The following HGD variants were observed in gnomAD, a reference collection of about 807,000 sequenced individuals.
HGD encodes homogentisate oxidase.
In HGD, 61 loss-of-function variants were observed where a neutral mutation model predicts 60.8. The observed-to-expected ratio is 1.00, with a 90% CI of 0.82 to 1.24. HGD has a LOEUF of 1.24. HGD is among the 50% of genes most tolerant of loss of function. The pLI is 0.00. For missense variants in HGD, 542 were observed against 547.1 expected, an observed-to-expected ratio of 0.99 and a Z score of 0.09; for synonymous variants, 212 against 187.7, an observed-to-expected ratio of 1.13 and a Z score of -1.06.
intron 9 of HGD, among the ~76,000 whole-genome samples, chr3:120,644,924 G>A (rs1018756670): frequency 2.6e-5 from 4 of 152,178 alleles, no homozygotes; most frequent in African/African-American, 7.2e-5. Flanking sequence ...GTCTGAAAAC[G>A]GTTCTCCAGC....
rs535804859 is a variant in HGD at position 120,632,787 on chromosome 3, G to T, written c.1188+360C>A. Reference sequence around the variant, plus strand: ...ACATTTGAATAGTGTTGGACAGTCTGTTAGGTTAACTCATAGCCATCTGCT... The same window carrying T: ...ACATTTGAATAGTGTTGGACAGTCTTTTAGGTTAACTCATAGCCATCTGCT... On this transcript the variant is annotated intron_variant, in intron 13 of 13. Transcript: ENST00000283871. Among the ~76,000 whole-genome samples the T allele has an allele frequency of 3.7e-4, 57 of 152,318 alleles. No homozygotes were observed. The South Asian group carries it at 0.01, about 28-fold the overall frequency.
rs777482339 is a variant in HGD at position 120,650,882 on chromosome 3, G to A, written c.343-17C>T. Reference sequence around the variant, plus strand: ...ATGCAGGCCCTGGGAGAGACCCACAGAAGAGGGAAAGGTTAATGTGAACGG... The same window carrying A: ...ATGCAGGCCCTGGGAGAGACCCACAAAAGAGGGAAAGGTTAATGTGAACGG... On this transcript the variant is annotated splice_polypyrimidine_tract_variant and intron_variant, in intron 5 of 13. Transcript: ENST00000283871. 2.5e-6 allele frequency: 4 copies of A among 1,596,510 alleles called. No individual in the cohort carries two copies. Among genetic ancestry groups the A allele is most frequent in the Non-Finnish European group, 3.4e-6 (4 of 1,164,128 alleles).
At chr3:120,671,331 T>C (rs1281301126) in intron 3 of HGD, among the ~76,000 whole-genome samples, 1 of 152,208 alleles carries the variant, frequency 6.6e-6, no homozygotes, top group Non-Finnish European at 1.5e-5. Flanking sequence ...TCATTTTATT[T>C]TGTATTTCCT....
Position 120,628,272 on chromosome 3 carries a change from G to T in HGD, c.*108C>A. 7.8e-7 allele frequency: 1 copy of T among 1,273,922 alleles called. No homozygotes were observed. The highest frequency in any genetic ancestry group is 1.1e-6 in the Non-Finnish European group (1 of 877,512). 78.9% of individuals were successfully genotyped at this position (1,273,922 alleles called of 1,614,324 possible). A position where few individuals can be genotyped will look rare whatever the true frequency, so the allele number is the denominator to read the frequency against. The stretch of plus-strand genomic sequence containing the variant: ...GTTCTGAGTTACTTGACTATGAAAA[G>T]TGAATTTTCATTTTAACCAACCCCC... On this transcript the variant is annotated 3_prime_UTR_variant, in exon 14 of 14. Coordinates refer to ENST00000283871, the MANE Select transcript of HGD (RefSeq NM_000187.4).
chr3:120,648,348 G>A (rs1941228729), intron 6 of HGD, among the ~76,000 whole-genome samples: 1 of 152,218 alleles, frequency 6.6e-6, no homozygotes, highest in Admixed American at 6.5e-5. Context: ...TGAAAGAAGT[G>A]AATGAAGGCC....
At chr3:120,661,667 C>T (rs3819375) in intron 4 of HGD, among the ~76,000 whole-genome samples, 19,884 of 152,194 alleles carry the variant, frequency 0.13, 1,348 homozygotes, top group East Asian at 0.19. Flanking sequence ...ATCTGGTTTG[C>T]AGACAGCGCC....
chr3:120,664,334 A>T (rs1707848399), intron 4 of HGD, among the ~76,000 whole-genome samples: 1 of 151,394 alleles, frequency 6.6e-6, no homozygotes. Context: ...CATATATTGG[A>T]TACTGTTTAA....
chr3:120,669,001 A>G (rs1707964247), intron 4 of HGD, among the ~76,000 whole-genome samples: 1 of 152,180 alleles, frequency 6.6e-6, no homozygotes, highest in Non-Finnish European at 1.5e-5. Context: ...TTTATCTTAT[A>G]TACTCTGCAA....
At chr3:120,637,593 C>T (rs1245352427) in intron 12 of HGD, among the ~76,000 whole-genome samples, 2 of 152,012 alleles carry the variant, frequency 1.3e-5, no homozygotes, top group African/African-American at 2.4e-5. Flanking sequence ...GGAGAAGGCA[C>T]ATTTCTGTCT....
intron 3 of HGD, among the ~76,000 whole-genome samples, chr3:120,674,418 C>A (rs1358726525): frequency 6.6e-6 from 1 of 152,186 alleles, no homozygotes; most frequent in Non-Finnish European, 1.5e-5. Context: ...ATTCAAACCA[C>A]AGTGGGCCAT....
intron 4 of HGD, among the ~76,000 whole-genome samples, chr3:120,662,822 T>G (rs1408021004): frequency 6.6e-6 from 1 of 152,184 alleles, no homozygotes; most frequent in East Asian, 1.9e-4. Context: ...CAAATTCATA[T>G]GTTGAACTCC....
At chr3:120,632,780 A>C (rs1015758978) in intron 13 of HGD, among the ~76,000 whole-genome samples, 8 of 152,320 alleles carry the variant, frequency 5.3e-5, no homozygotes, top group Admixed American at 1.3e-4. Flanking sequence ...ATAGTGTTGG[A>C]CAGTCTGTTA....
intron 12 of HGD, 165 bp from the exon 13 acceptor site, chr3:120,633,493 A>T (rs892975473): frequency 2.0e-6 from 3 of 1,527,334 alleles, no homozygotes; most frequent in East Asian, 5.0e-5. Flanking sequence ...ATCATAAAAC[A>T]TTCATATTGG....
intron 4 of HGD, among the ~76,000 whole-genome samples, chr3:120,665,570 C>A (rs1291168920): frequency 1.3e-5 from 2 of 152,226 alleles, no homozygotes; most frequent in Non-Finnish European, 2.9e-5. Flanking sequence ...AATTTATGTC[C>A]TCAGGCTGAA....
intron 11 of HGD, among the ~76,000 whole-genome samples, chr3:120,640,817 C>T (rs980282044): frequency 5.3e-5 from 8 of 152,092 alleles, no homozygotes; most frequent in African/African-American, 1.7e-4. Context: ...AGGTTTGTCC[C>T]CCCAGAGATA....
At position 120,646,999 on chromosome 3, in the gene HGD, G is replaced by A. The variant is rs1941185558; in HGVS notation, c.523C>T (p.Gln175Ter). 1 of 1,613,998 alleles carries A rather than the reference G, an allele frequency of 6.2e-7. No individual in the cohort carries two copies. The highest frequency in any genetic ancestry group is 8.5e-7 in the Non-Finnish European group (1 of 1,179,872). ...TGAATGACGCAGATCTCATTGGGCT[G>A]TACAAGCATCTTGCCAAACTCGGTG... ...IYTEFGKMLV[Q>*]PNEICVIQRG... Residue 175 changes from glutamine to a stop codon, truncating the protein, a stop_gained, in exon 8 of 14, where the codon CAG (glutamine) becomes TAG (stop). Coordinates refer to ENST00000283871, the MANE Select transcript of HGD (RefSeq NM_000187.4). LOFTEE classifies it high-confidence loss of function.
At chr3:120,641,443 T>C in intron 11 of HGD, 146 bp downstream of exon 11, 1 of 690,574 alleles carries the variant, frequency 1.4e-6, no homozygotes, top group Non-Finnish European at 2.7e-6. Flanking sequence ...TGTTATTTAC[T>C]CCCTCACCAA....
intron 4 of HGD, among the ~76,000 whole-genome samples, chr3:120,660,059 A>G (rs1403140443): frequency 6.6e-6 from 1 of 151,598 alleles, no homozygotes; most frequent in Non-Finnish European, 1.5e-5. Flanking sequence ...AGCGTGTAGC[A>G]CCTCCCTCCT....
intron 5 of HGD, among the ~76,000 whole-genome samples, chr3:120,651,643 G>C (rs888560660): frequency 6.6e-6 from 1 of 152,164 alleles, no homozygotes; most frequent in African/African-American, 2.4e-5. Context: ...CTATGGCTCG[G>C]CACTTGGAGT....
Sources: gnomAD v4.1 joint callset for allele counts (sites outside exome capture counted in the v4.1 genomes callset) on GRCh38, gnomAD v4.1.1 for gene constraint, MANE v1.5 for transcripts, NCBI Gene and HGNC (gene_info 2026-07-23, HGNC 2026-07-21) for gene names.